Variants in PAX2 observed in about 807,000 individuals in gnomAD.
PAX2 encodes the protein paired box protein Pax-2.
PAX2 carries 9 observed loss-of-function variants against 41.7 expected under a neutral mutation model. The ratio of observed to expected loss-of-function variants is 0.22; its 90% CI spans 0.13 to 0.38. PAX2 has a LOEUF of 0.38. PAX2 is among the 10% of genes least tolerant of loss of function. The pLI is 1.00. For synonymous variants in PAX2, 221 were observed against 212.7 expected (o/e 1.04, Z -0.34); for missense variants, 418 against 531.6 (o/e 0.79, Z 2.10).
intron 3 of PAX2, among the ~76,000 whole-genome samples, chr10:100,755,694 G>A (rs533944075): frequency 6.6e-6 from 1 of 152,162 alleles, no homozygotes; most frequent in Non-Finnish European, 1.5e-5. Flanking sequence ...CAGAGATTTC[G>A]ATGGGAGCCC....
At chr10:100,758,159 G>A (rs1454468450) in intron 3 of PAX2, among the ~76,000 whole-genome samples, 26 of 117,142 alleles carry the variant, frequency 2.2e-4, no homozygotes, top group African/African-American at 8.9e-4. Flanking sequence ...TTTTTTTTTT[G>A]AGACGGAGTC....
In PAX2 at chr10:100,765,744, C is replaced by G. The variant is rs1179474813; in HGVS notation, c.411-13754C>G. 3.9e-5 allele frequency among the ~76,000 whole-genome samples: 6 copies of G among 152,210 alleles called. No homozygotes were observed. The East Asian group carries it at 1.2e-3, about 29-fold the overall frequency. ...GCAGGGAGAGAACTACCCTCTGCCCCTGTGCTACCTGGCTGCAATTTTTGC... is the reference window on the plus strand; with the variant it reads ...GCAGGGAGAGAACTACCCTCTGCCCGTGTGCTACCTGGCTGCAATTTTTGC... On this transcript the variant is annotated intron_variant, in intron 3 of 9. Coordinates refer to ENST00000355243, the MANE Select transcript of PAX2 (RefSeq NM_000278.5).
intron 5 of PAX2, among the ~76,000 whole-genome samples, chr10:100,787,234 T>A (rs915481707): frequency 2.0e-5 from 3 of 152,096 alleles, no homozygotes; most frequent in Admixed American, 6.5e-5. Flanking sequence ...CCCGGTGGCC[T>A]GGAGGGTCAG....
rs1358521036 is a variant in PAX2, at chr10:100,824,792, C to G, written c.1021+43C>G. 1.3e-6 allele frequency: 2 copies of G among 1,518,356 alleles called. No homozygotes were observed. Among genetic ancestry groups the G allele is most frequent in the Admixed American group, 3.3e-5 (2 of 59,886 alleles). The allele number at this position is 1,518,356 out of a possible 1,614,324, so 94.1% of individuals were successfully genotyped here. A position where few individuals can be genotyped will look rare whatever the true frequency, so the allele number is the denominator to read the frequency against. ...AGCTGCCTAATCTAGGTGGGGGGAA[C>G]TAAATTGTGGGTGAGCTGCTGAATG... On this transcript the variant is annotated intron_variant, in intron 8 of 9. Transcript: ENST00000355243. This position sits in a 1 kb window ranked among gnomAD's most constrained non-coding sequence, Gnocchi z 6.6.
In PAX2 at chr10:100,750,928, A is replaced by C. The variant is rs748008779; in HGVS notation, c.410+37A>C. ...ACCCGGGTTTTCAGGGCTGGACTCC[A>C]GCTCCTGGCTCCTGCCTGCAGGGGT... On this transcript the variant is annotated intron_variant, in intron 3 of 9. Transcript: ENST00000355243. The surrounding 1 kb of genome is among the most constrained non-coding windows in gnomAD (Gnocchi z 4.1). 6.6e-7 allele frequency: 1 copy of C among 1,522,694 alleles called. No individual in the cohort carries two copies. Among genetic ancestry groups the C allele is most frequent in the Non-Finnish European group, 9.1e-7 (1 of 1,098,052 alleles). The allele number at this position is 1,522,694 out of a possible 1,614,324, so 94.3% of individuals were successfully genotyped here. A position where few individuals can be genotyped will look rare whatever the true frequency, so the allele number is the denominator to read the frequency against.
At chr10:100,785,884 C>G (rs966842444) in intron 5 of PAX2, among the ~76,000 whole-genome samples, 2 of 152,186 alleles carry the variant, frequency 1.3e-5, no homozygotes, top group Non-Finnish European at 2.9e-5. Flanking sequence ...GTGCCCCTCA[C>G]TAGTTGGGCA....
Position 100,793,905 on chromosome 10 carries a change from G to A in PAX2, c.617-12525G>A, listed in dbSNP as rs192040859. Among the ~76,000 whole-genome samples, 150 of 152,312 alleles carry A rather than the reference G, an allele frequency of 9.8e-4. 1 individual carries two copies. The highest frequency in any genetic ancestry group is 3.6e-3 in the African/African-American group (148 of 41,572). On this transcript the variant is annotated intron_variant, in intron 5 of 9. Transcript: ENST00000355243. Reference sequence around the variant, plus strand: ...CAGGAGCTTAGAGCCTGCTGGGGAAGGCAAGGCTGTTGCACTCAGACAATT... The same window carrying A: ...CAGGAGCTTAGAGCCTGCTGGGGAAAGCAAGGCTGTTGCACTCAGACAATT...
chr10:100,797,527 G>T (rs188327960), intron 5 of PAX2, among the ~76,000 whole-genome samples: 1 of 152,330 alleles, frequency 6.6e-6, no homozygotes, highest in African/African-American at 2.4e-5. Flanking sequence ...ATTATCAGAG[G>T]AGTGCCTGAT....
At chr10:100,743,778 C>T (rs1845046473), upstream of PAX2, among the ~76,000 whole-genome samples, 1 of 152,246 alleles carries the variant, frequency 6.6e-6, no homozygotes, top group Admixed American at 6.5e-5. Context: ...ATCTGCAGGC[C>T]TCAAGAGGAA....
intron 6 of PAX2, among the ~76,000 whole-genome samples, chr10:100,808,505 C>T (rs1847876123): frequency 6.6e-6 from 1 of 152,136 alleles, no homozygotes; most frequent in Admixed American, 6.5e-5. Context: ...AGGCAATTAC[C>T]CGAGTGTTTC....
chr10:100,784,924 C>A (rs1424197481), intron 5 of PAX2, among the ~76,000 whole-genome samples: 1 of 152,154 alleles, frequency 6.6e-6, no homozygotes, highest in Non-Finnish European at 1.5e-5. Flanking sequence ...GGCTTTGACC[C>A]TCATCCCAAG....
At chr10:100,780,194 CTCTGTA>C (rs1846560282) in intron 4 of PAX2, among the ~76,000 whole-genome samples, 1 of 152,112 alleles carries the variant, frequency 6.6e-6, no homozygotes, top group South Asian at 2.1e-4. Context: ...GTCTCACCCA[CTCTGTA>C]TCTCTCATCC....
intron 7 of PAX2, among the ~76,000 whole-genome samples, chr10:100,819,251 A>C (rs1848297353): frequency 6.7e-6 from 1 of 148,188 alleles, no homozygotes; most frequent in African/African-American, 2.5e-5. Context: ...CTGTCTCAAA[A>C]AAAAAAAAGG....
At chr10:100,737,485 T>G (rs989561594) in intron 1 of PAX2, among the ~76,000 whole-genome samples, 1 of 152,180 alleles carries the variant, frequency 6.6e-6, no homozygotes, top group Non-Finnish European at 1.5e-5. Flanking sequence ...TTCCCTCTTT[T>G]CCCGCCTTTG....
chr10:100,741,039 G>A (rs891926207), upstream of PAX2, among the ~76,000 whole-genome samples: 1 of 152,216 alleles, frequency 6.6e-6, no homozygotes, highest in African/African-American at 2.4e-5. Flanking sequence ...GGCTTGCATT[G>A]TTGTTGCTCC....
At chr10:100,778,314 C>A (rs2133891574) in intron 3 of PAX2, among the ~76,000 whole-genome samples, 1 of 152,318 alleles carries the variant, frequency 6.6e-6, no homozygotes. Flanking sequence ...TTCCGCAGTT[C>A]CCTCTCCTGC....
upstream of PAX2, among the ~76,000 whole-genome samples, chr10:100,741,223 CA>C (rs1844939746): frequency 6.6e-6 from 1 of 151,568 alleles, no homozygotes; most frequent in Non-Finnish European, 1.5e-5. Flanking sequence ...GGGCTTCACG[CA>C]GGGAGCCCAA....
intron 3 of PAX2, among the ~76,000 whole-genome samples, chr10:100,770,653 C>T (rs1166328761): frequency 1.3e-5 from 2 of 152,232 alleles, no homozygotes; most frequent in Non-Finnish European, 2.9e-5. Context: ...GAAAGATTAT[C>T]GCCCTCAATG....
rs60896393 is a variant in PAX2, at chr10:100,769,626, G to GAATAAAATAAAATAAAATAAAATAA, written c.411-9849_411-9825dup. Reference sequence around the variant, plus strand: ...ACAGTGTGAGACTCCATCTCAAAAAGAATAAAATAAAATAAAATAAAATAA... The same window carrying GAATAAAATAAAATAAAATAAAATAA: ...ACAGTGTGAGACTCCATCTCAAAAAGAATAAAATAAAATAAAATAAAATAAAATAAAATAAAATAAAATAAAATAA... On this transcript the variant is annotated intron_variant, in intron 3 of 9. Coordinates refer to ENST00000355243, the MANE Select transcript of PAX2 (RefSeq NM_000278.5). Among the ~76,000 whole-genome samples the GAATAAAATAAAATAAAATAAAATAA allele has an allele frequency of 6.6e-4, 84 of 126,988 alleles. No individual in the cohort carries two copies. In the South Asian group the frequency reaches 9.0e-3, roughly 14 times the overall value. The allele number at this position is 126,988 out of a possible 152,430, so 83.3% of individuals were successfully genotyped here.
Sources: allele counts gnomAD v4.1 joint callset (sites outside exome capture counted in the v4.1 genomes callset), GRCh38; gene constraint gnomAD v4.1.1; non-coding constraint Gnocchi (gnomAD v3.1); transcripts MANE v1.5; gene names NCBI Gene and HGNC (gene_info 2026-07-23, HGNC 2026-07-21).